Variants in ARHGAP32 observed in about 807,000 individuals in gnomAD.
ARHGAP32 encodes rho GTPase-activating protein 32.
ARHGAP32 carries 51 observed loss-of-function variants against 186.5 expected under a neutral mutation model. That is an observed-to-expected ratio of 0.27 (90% CI 0.22 to 0.35). The LOEUF is 0.35. Ranked by LOEUF, ARHGAP32 falls within the 10% of genes least tolerant of loss-of-function variation. The pLI, the probability that ARHGAP32 is intolerant of heterozygous loss-of-function variation, is 1.00. For missense variants in ARHGAP32, 2,186 were observed against 2,623.5 expected, an observed-to-expected ratio of 0.83 and a Z score of 3.64; for synonymous variants, 950 against 964.3, an observed-to-expected ratio of 0.99 and a Z score of 0.27.
intron 1 of ARHGAP32, among the ~76,000 whole-genome samples, chr11:129,204,945 T>C (rs1944497681): frequency 6.6e-6 from 1 of 152,188 alleles, no homozygotes; most frequent in Non-Finnish European, 1.5e-5. Flanking sequence ...CATTTATTTC[T>C]GGAAACAGAG....
chr11:129,011,890 C>T (rs2134830581), intron 11 of ARHGAP32, among the ~76,000 whole-genome samples: 1 of 152,132 alleles, frequency 6.6e-6, no homozygotes, highest in Middle Eastern at 3.4e-3. Flanking sequence ...ACACATCACA[C>T]ACAAATTCAC....
chr11:129,054,908 T>C (rs1240035220), intron 10 of ARHGAP32, among the ~76,000 whole-genome samples: 1 of 152,234 alleles, frequency 6.6e-6, no homozygotes, highest in Non-Finnish European at 1.5e-5. Context: ...AACACATGGA[T>C]GAACTTATCC....
chr11:129,040,878 T>C, intron 11 of ARHGAP32, 50 bp downstream of exon 11: 1 of 1,312,784 alleles, frequency 7.6e-7, no homozygotes. Flanking sequence ...AAAATCTGTG[T>C]CTTCAAGCAG....
At chr11:129,078,934 G>A (rs1941136314) in intron 6 of ARHGAP32, among the ~76,000 whole-genome samples, 1 of 151,870 alleles carries the variant, frequency 6.6e-6, no homozygotes, top group Non-Finnish European at 1.5e-5. Flanking sequence ...ACAACTCCTG[G>A]AAGTGAAAGA....
chr11:129,166,284 A>C (rs1262465491), intron 1 of ARHGAP32, among the ~76,000 whole-genome samples: 1 of 152,130 alleles, frequency 6.6e-6, no homozygotes, highest in Non-Finnish European at 1.5e-5. Context: ...AATATGTCTA[A>C]ATTGATGACA....
At position 129,007,897 on chromosome 11, in the gene ARHGAP32, G is replaced by A. The variant is rs550798990; in HGVS notation, c.1046-9429C>T. On this transcript the variant is annotated intron_variant, in intron 11 of 22. Coordinates refer to ENST00000682385, the MANE Select transcript of ARHGAP32 (RefSeq NM_001378024.1). Reference sequence around the variant, plus strand: ...AGGCTTGTTGCAGCTAAGTTCTGACGGCTGGGACAGATTTCCCCTCTGTCT... The same window carrying A: ...AGGCTTGTTGCAGCTAAGTTCTGACAGCTGGGACAGATTTCCCCTCTGTCT... Among the ~76,000 whole-genome samples, 9 of 152,272 alleles carry A rather than the reference G, an allele frequency of 5.9e-5. 1 individual carries two copies. The South Asian group carries it at 1.2e-3, about 21-fold the overall frequency.
In ARHGAP32 at chr11:129,268,114, C is replaced by T. The variant is rs1565485428; in HGVS notation, c.-5+11032G>A. ...ACCATAGCAGATCTGCAATTTGTAT[C>T]CCTACCCCGAGTCCCAAAAATGTTA... On this transcript the variant is annotated intron_variant, in intron 1 of 6. Transcript: ENST00000525234. 2.0e-5 allele frequency among the ~76,000 whole-genome samples: 3 copies of T among 152,096 alleles called. No individual in the cohort carries two copies. In the South Asian group the frequency reaches 6.2e-4, roughly 32 times the overall value.
At chr11:129,195,601 G>C (rs1397506737), upstream of ARHGAP32, among the ~76,000 whole-genome samples, 1 of 152,070 alleles carries the variant, frequency 6.6e-6, no homozygotes, top group African/African-American at 2.4e-5. Context: ...TGTTGGCCAG[G>C]GTGGTCACAA....
chr11:129,182,033 C>A (rs1944065909), intron 1 of ARHGAP32, among the ~76,000 whole-genome samples: 1 of 152,106 alleles, frequency 6.6e-6, no homozygotes, highest in Non-Finnish European at 1.5e-5. Context: ...TAGGTTTACA[C>A]ATTGTTGTAT....
At chr11:129,252,240 A>G (rs1945195834) in intron 1 of ARHGAP32, among the ~76,000 whole-genome samples, 1 of 152,166 alleles carries the variant, frequency 6.6e-6, no homozygotes, top group Non-Finnish European at 1.5e-5. Context: ...AGTCGTGTCT[A>G]ATTTTGATTA....
chr11:129,178,731 G>A (rs1943978714), intron 1 of ARHGAP32, among the ~76,000 whole-genome samples: 1 of 152,026 alleles, frequency 6.6e-6, no homozygotes, highest in African/African-American at 2.4e-5. Flanking sequence ...GGGAAAACTG[G>A]CTAGCCATAT....
intron 21 of ARHGAP32, 110 bp downstream of exon 21, chr11:128,974,014 T>C: frequency 7.5e-7 from 1 of 1,331,076 alleles, no homozygotes. Flanking sequence ...AGCATTCTCT[T>C]TGATTAAAGG....
At position 129,262,227 on chromosome 11, in the gene ARHGAP32, T is replaced by C. The variant is rs141906490; in HGVS notation, c.-5+16919A>G. ...TCTTCAAATCATTCTGTCTCTCATG[T>C]TTTTTTAATTCCTAACAATATAAAT... On this transcript the variant is annotated intron_variant, in intron 1 of 6. Coordinates refer to the ARHGAP32 transcript ENST00000525234. 7.9e-3 allele frequency among the ~76,000 whole-genome samples: 1,207 copies of C among 152,284 alleles called. 65 individuals are homozygous for C. Among genetic ancestry groups the C allele is most frequent in the Admixed American group, 0.073 (1,121 of 15,294 alleles).
intron 20 of ARHGAP32, among the ~76,000 whole-genome samples, 190 bp downstream of exon 20, chr11:128,976,373 G>A (rs1945542591): frequency 6.6e-6 from 1 of 152,072 alleles, no homozygotes; most frequent in Admixed American, 6.6e-5. Context: ...AAAATGAAAA[G>A]ATTAAAGACT....
At chr11:129,169,050 T>C (rs2135498475) in intron 1 of ARHGAP32, among the ~76,000 whole-genome samples, 1 of 152,270 alleles carries the variant, frequency 6.6e-6, no homozygotes, top group African/African-American at 2.4e-5. Context: ...TGCATGTTAC[T>C]GGAAATTAGA....
intron 5 of ARHGAP32, among the ~76,000 whole-genome samples, chr11:129,098,399 ATTAT>A (rs904626478): frequency 1.3e-5 from 2 of 151,748 alleles, no homozygotes; most frequent in African/African-American, 4.8e-5. Flanking sequence ...AAAGGCTAGC[ATTAT>A]TTATTTTTCT....
At chr11:129,042,241 C>G (rs1939627284) in intron 10 of ARHGAP32, among the ~76,000 whole-genome samples, 1 of 152,122 alleles carries the variant, frequency 6.6e-6, no homozygotes, top group Non-Finnish European at 1.5e-5. Flanking sequence ...GCCTCGATCC[C>G]CCAGGCTCAA....
chr11:129,145,032 T>C (rs1308471635), intron 2 of ARHGAP32, among the ~76,000 whole-genome samples: 1 of 152,180 alleles, frequency 6.6e-6, no homozygotes, highest in Non-Finnish European at 1.5e-5. Flanking sequence ...TACTTTTCTA[T>C]AACTGAGATT....
At chr11:129,185,491 T>C (rs944653286) in intron 1 of ARHGAP32, among the ~76,000 whole-genome samples, 30 of 152,134 alleles carry the variant, frequency 2.0e-4, no homozygotes, top group African/African-American at 7.0e-4. Flanking sequence ...TTAGGAGATA[T>C]ACCTAATGTA....
Sources: gnomAD v4.1 joint callset for allele counts (sites outside exome capture counted in the v4.1 genomes callset) on GRCh38, gnomAD v4.1.1 for gene constraint, MANE v1.5 for transcripts, NCBI Gene and HGNC (gene_info 2026-07-23, HGNC 2026-07-21) for gene names.